The following TCF7L2 variants were observed in gnomAD, a reference collection of about 807,000 sequenced individuals.
TCF7L2 encodes transcription factor 7 like 2.
TCF7L2 carries 23 observed loss-of-function variants against 77.9 expected under a neutral mutation model. That is an observed-to-expected ratio of 0.30 (90% CI 0.21 to 0.42). TCF7L2 has a LOEUF of 0.42. Ranked by LOEUF, TCF7L2 falls within the 10% of genes least tolerant of loss-of-function variation. The pLI, the probability that TCF7L2 is intolerant of heterozygous loss-of-function variation, is 1.00. For missense variants in TCF7L2, 654 were observed against 793.1 expected (o/e 0.82, Z 2.11); for synonymous variants, 413 against 340.2 (o/e 1.21, Z -2.36).
chr10:113,139,916 CTTCTT>C (rs2068048735), intron 5 of TCF7L2, among the ~76,000 whole-genome samples: 1 of 151,990 alleles, frequency 6.6e-6, no homozygotes, highest in African/African-American at 2.4e-5. Context: ...TAGGACCTTC[CTTCTT>C]TTCTTTTAAT....
At chr10:113,070,266 A>ATTTTTATAT (rs953072031) in intron 5 of TCF7L2, among the ~76,000 whole-genome samples, 1 of 96,464 alleles carries the variant, frequency 1.0e-5, no homozygotes, top group African/African-American at 5.3e-5. Context: ...AAAAAAAAAA[A>ATTTTTATAT]ATTTATATAT....
intron 4 of TCF7L2, among the ~76,000 whole-genome samples, chr10:112,975,896 G>T (rs1050056457): frequency 5.3e-5 from 8 of 152,192 alleles, no homozygotes; most frequent in Non-Finnish European, 1.0e-4. Context: ...GTCCCCTGGG[G>T]ATCAAAATCA....
chr10:113,114,384 G>T (rs1225365240), intron 5 of TCF7L2, among the ~76,000 whole-genome samples: 1 of 151,914 alleles, frequency 6.6e-6, no homozygotes, highest in African/African-American at 2.4e-5. Flanking sequence ...ATATTTTTTT[G>T]CATCTCGATC....
intron 5 of TCF7L2, among the ~76,000 whole-genome samples, chr10:113,094,840 C>T (rs975888411): frequency 3.3e-5 from 5 of 152,166 alleles, no homozygotes; most frequent in African/African-American, 7.2e-5. Context: ...CGCTGTTGGC[C>T]GGGCACTGTG....
intron 5 of TCF7L2, among the ~76,000 whole-genome samples, chr10:113,077,830 G>A (rs1392496474): frequency 6.7e-6 from 1 of 150,210 alleles, no homozygotes; most frequent in African/African-American, 2.4e-5. Context: ...CTCCTGTGTA[G>A]CAGGCCCATG....
rs548098443 is a variant in TCF7L2 at position 113,116,158 on chromosome 10, T to A, written c.553-25026T>A. ...GGTTATGTATAGTTTATCATGATAA[T>A]CTGATGAAAAATTAAATTTATCATT... is the stretch of plus-strand genomic sequence containing the variant. On this transcript the variant is annotated intron_variant, in intron 5 of 13. Coordinates refer to ENST00000627217, the MANE Select transcript of TCF7L2 (RefSeq NM_001146274.2). Among the ~76,000 whole-genome samples the A allele has an allele frequency of 6.6e-5, 10 of 152,264 alleles. No individual in the cohort carries two copies. In the South Asian group the frequency reaches 2.1e-3, roughly 32 times the overall value.
chr10:113,053,933 T>A (rs532140470), intron 5 of TCF7L2, among the ~76,000 whole-genome samples: 94 of 151,988 alleles, frequency 6.2e-4, no homozygotes, highest in African/African-American at 2.1e-3. Context: ...ACCCAAGGAG[T>A]CTCACATCGG....
At chr10:113,129,403 G>T in intron 5 of TCF7L2, 1 of 995,968 alleles carries the variant, frequency 1.0e-6, no homozygotes, top group East Asian at 1.1e-4. Flanking sequence ...CTTTGCTGAG[G>T]TGCCCTGAGC....
chr10:113,157,229 C>T (rs1188055257), intron 11 of TCF7L2, among the ~76,000 whole-genome samples: 2 of 152,232 alleles, frequency 1.3e-5, no homozygotes, highest in Non-Finnish European at 2.9e-5. Context: ...GGCGATTCTC[C>T]TGCCTCGGCC....
At chr10:113,079,680 CAG>C (rs1210989204) in intron 5 of TCF7L2, among the ~76,000 whole-genome samples, 5 of 151,858 alleles carry the variant, frequency 3.3e-5, no homozygotes, top group East Asian at 3.9e-4. Flanking sequence ...TTTTCTGAGA[CAG>C]AGTCTCGCTC....
rs1393991514 is a variant in TCF7L2 at position 112,951,467 on chromosome 10, C to T, written c.257-16C>T. ...CGCGCGGCCGCCGCTGTCCCCTCGC[C>T]GCCCCGCCATGTTAGCGGCCAAGAG... On this transcript the variant is annotated splice_polypyrimidine_tract_variant and intron_variant, in intron 2 of 13. Coordinates refer to ENST00000627217, the MANE Select transcript of TCF7L2 (RefSeq NM_001146274.2). 1 of 1,414,992 alleles carries T rather than the reference C, an allele frequency of 7.1e-7. No individual in the cohort carries two copies. The allele number at this position is 1,414,992 out of a possible 1,614,324, so 87.7% of individuals were successfully genotyped here.
chr10:112,977,909 A>G (rs929581498), intron 4 of TCF7L2, among the ~76,000 whole-genome samples: 1 of 152,190 alleles, frequency 6.6e-6, no homozygotes, highest in Non-Finnish European at 1.5e-5. Context: ...CCAATAAGGA[A>G]AACATACGAA....
rs1258430834 is a variant in TCF7L2 at position 112,951,519 on chromosome 10, C to T, written c.293C>T (p.Pro98Leu). 7 of 1,430,666 alleles carry T rather than the reference C, an allele frequency of 4.9e-6. No homozygotes were observed. Among genetic ancestry groups the T allele is most frequent in the South Asian group, 2.4e-5 (2 of 83,166 alleles). 88.6% of individuals were successfully genotyped at this position (1,430,666 alleles called of 1,614,324 possible). A position where few individuals can be genotyped will look rare whatever the true frequency, so the allele number is the denominator to read the frequency against. ...CAAGATGGAGGGCTCTTTAAGGGGC[C>T]ACCGTATCCCGGCTACCCCTTCATC... The change falls in exon 3 of 14, where the codon CCA (proline) becomes CTA (leucine). Residue 98 changes from proline (P) to leucine (L), a missense_variant. By Grantham distance (98) the Pro-to-Leu change is moderately conservative (BLOSUM62 -3). Around this residue, in one of 6 missense-constraint regions of TCF7L2, gnomAD observed 132 missense variants for 123.7 expected, o/e 1.07. Transcript: ENST00000627217.
At chr10:113,056,755 C>T (rs2055443589) in intron 5 of TCF7L2, among the ~76,000 whole-genome samples, 1 of 152,208 alleles carries the variant, frequency 6.6e-6, no homozygotes, top group Admixed American at 6.5e-5. Flanking sequence ...GGGTTTTTTA[C>T]AAAGTGTACT....
At chr10:112,974,113 C>G (rs1391989520) in intron 4 of TCF7L2, among the ~76,000 whole-genome samples, 1 of 152,148 alleles carries the variant, frequency 6.6e-6, no homozygotes, top group Admixed American at 6.5e-5. Context: ...TTGTCTAAGC[C>G]AATAGCAATT....
At chr10:113,077,510 C>T (rs1017894514) in intron 5 of TCF7L2, among the ~76,000 whole-genome samples, 3 of 152,080 alleles carry the variant, frequency 2.0e-5, no homozygotes, top group Non-Finnish European at 1.5e-5. Context: ...TCTGCCTTCT[C>T]CCCCATGCCC....
At chr10:112,989,562 G>A (rs146487132) in intron 4 of TCF7L2, among the ~76,000 whole-genome samples, 117 of 152,182 alleles carry the variant, frequency 7.7e-4, no homozygotes, top group South Asian at 4.4e-3. Flanking sequence ...GAGAGTTTGC[G>A]GCTTCATCTT....
At chr10:113,165,249 C>T (rs1470478583) in intron 13 of TCF7L2, among the ~76,000 whole-genome samples, 2 of 152,184 alleles carry the variant, frequency 1.3e-5, no homozygotes. Context: ...AGGTGGCCGC[C>T]TCCATGCTGC....
intron 8 of TCF7L2, among the ~76,000 whole-genome samples, chr10:113,147,923 G>A (rs1352937332): frequency 1.3e-5 from 2 of 152,118 alleles, no homozygotes; most frequent in African/African-American, 2.4e-5. Flanking sequence ...GCGGGGAGAG[G>A]CGGCCGACTC....
Sources: allele counts gnomAD v4.1 joint callset (sites outside exome capture counted in the v4.1 genomes callset), GRCh38; gene constraint gnomAD v4.1.1; regional missense constraint gnomAD v4.1.1; transcripts MANE v1.5; gene names NCBI Gene and HGNC (gene_info 2026-07-23, HGNC 2026-07-21).